Variants in CAMKMT observed in about 807,000 individuals in gnomAD.
CAMKMT encodes the protein CaM KMT.
Under a neutral mutation model 48.0 loss-of-function variants are expected in CAMKMT, and 53 were observed. The ratio of observed to expected loss-of-function variants is 1.10; its 90% CI spans 0.89 to 1.39. CAMKMT has a LOEUF of 1.39. Ranked by LOEUF, CAMKMT falls within the 40% of genes most tolerant of loss-of-function variation. The pLI is 0.00. For synonymous variants in CAMKMT, 165 were observed against 152.3 expected (o/e 1.08, Z -0.61); for missense variants, 428 against 402.7 (o/e 1.06, Z -0.54).
rs151012114 is a variant in CAMKMT, at chr2:44,724,936, T to C, written c.623+9583T>C. Among the ~76,000 whole-genome samples the C allele has an allele frequency of 3.5e-3, 532 of 152,270 alleles. 4 individuals are homozygous for C. Among genetic ancestry groups the C allele is most frequent in the Middle Eastern group, 0.024 (7 of 294 alleles). On this transcript the variant is annotated intron_variant, in intron 7 of 10. Coordinates refer to ENST00000378494, the MANE Select transcript of CAMKMT (RefSeq NM_024766.5). ...ATCATATGGGACATTTTTGTTTTAT[T>C]GTCACAATAGCTAAGTGCTATTATG...
intron 3 of CAMKMT, among the ~76,000 whole-genome samples, chr2:44,441,154 C>T (rs1320145716): frequency 1.3e-5 from 2 of 152,108 alleles, no homozygotes; most frequent in Non-Finnish European, 2.9e-5. Flanking sequence ...AAACACTTTT[C>T]CTGTGACTCA....
At chr2:44,719,945 A>AG (rs1438432065) in intron 7 of CAMKMT, among the ~76,000 whole-genome samples, 1 of 152,198 alleles carries the variant, frequency 6.6e-6, no homozygotes, top group African/African-American at 2.4e-5. Context: ...AGAATCCTGA[A>AG]GACCGCTGAG....
chr2:44,477,280 G>T (rs542510076), intron 3 of CAMKMT, among the ~76,000 whole-genome samples: 9 of 152,268 alleles, frequency 5.9e-5, no homozygotes, highest in Non-Finnish European at 1.0e-4. Flanking sequence ...AAATTTTGGA[G>T]AAGTCCAGGA....
chr2:44,691,776 C>G (rs1315722168), intron 3 of CAMKMT, among the ~76,000 whole-genome samples: 1 of 152,122 alleles, frequency 6.6e-6, no homozygotes, highest in African/African-American at 2.4e-5. Context: ...AGAAGGTTTC[C>G]AAACCTCCCT....
intron 3 of CAMKMT, among the ~76,000 whole-genome samples, chr2:44,499,193 G>A (rs1407250109): frequency 6.6e-6 from 1 of 152,154 alleles, no homozygotes; most frequent in South Asian, 2.1e-4. Flanking sequence ...GGAGAAACTT[G>A]TAAGTATTAT....
intron 3 of CAMKMT, among the ~76,000 whole-genome samples, chr2:44,484,657 G>C (rs1169625747): frequency 6.7e-6 from 1 of 148,930 alleles, no homozygotes; most frequent in Non-Finnish European, 1.5e-5. Flanking sequence ...ATATCTTCAT[G>C]ACCCTGAGTT....
intron 3 of CAMKMT, among the ~76,000 whole-genome samples, chr2:44,565,950 G>A (rs938286926): frequency 1.3e-5 from 2 of 152,184 alleles, no homozygotes; most frequent in African/African-American, 4.8e-5. Flanking sequence ...ACATGTGTTT[G>A]TGTAACCGCA....
chr2:44,504,263 C>T (rs1036259191), intron 3 of CAMKMT, among the ~76,000 whole-genome samples: 9 of 152,140 alleles, frequency 5.9e-5, no homozygotes, highest in African/African-American at 1.4e-4. Flanking sequence ...TATCTTCCCC[C>T]AGAATCCTAG....
At chr2:44,608,862 A>T (rs1572910018) in intron 3 of CAMKMT, among the ~76,000 whole-genome samples, 1 of 152,272 alleles carries the variant, frequency 6.6e-6, no homozygotes, top group East Asian at 1.9e-4. Context: ...CCTTGTGGGT[A>T]TTGCTAATAG....
intron 3 of CAMKMT, among the ~76,000 whole-genome samples, chr2:44,696,308 C>G (rs1290288225): frequency 6.6e-6 from 1 of 152,140 alleles, no homozygotes; most frequent in East Asian, 1.9e-4. Context: ...CATGCAAATA[C>G]TACATCATGT....
chr2:44,654,591 C>A lies in CAMKMT; in HGVS notation c.377-49692C>A, dbSNP rs370309589. Among the ~76,000 whole-genome samples, 17 of 152,266 alleles carry A rather than the reference C, an allele frequency of 1.1e-4. No homozygotes were observed. In the East Asian group the frequency reaches 1.9e-3, roughly 17 times the overall value. On this transcript the variant is annotated intron_variant, in intron 3 of 10. Coordinates refer to ENST00000378494, the MANE Select transcript of CAMKMT (RefSeq NM_024766.5). ...ACAATGGCATGATCTTGGCTCACTG[C>A]AACCTCCACCTCCTGGGTTCAAGCA...
intron 3 of CAMKMT, among the ~76,000 whole-genome samples, chr2:44,451,758 A>C (rs996367315): frequency 2.0e-5 from 3 of 151,972 alleles, no homozygotes; most frequent in African/African-American, 7.2e-5. Flanking sequence ...GTAAAATGTT[A>C]AGGATAGAAT....
At chr2:44,624,229 C>T (rs777762885) in intron 3 of CAMKMT, among the ~76,000 whole-genome samples, 6 of 152,040 alleles carry the variant, frequency 3.9e-5, no homozygotes, top group Admixed American at 6.6e-5. Context: ...CATTTGTGCA[C>T]AAGATTTTTT....
chr2:44,605,188 G>A (rs1407176518), intron 3 of CAMKMT, among the ~76,000 whole-genome samples: 1 of 152,126 alleles, frequency 6.6e-6, no homozygotes, highest in Non-Finnish European at 1.5e-5. Context: ...GTAAATAAAA[G>A]TGAATTTCAC....
At chr2:44,698,997 A>G (rs1223313618) in intron 3 of CAMKMT, among the ~76,000 whole-genome samples, 1 of 152,182 alleles carries the variant, frequency 6.6e-6, no homozygotes, top group African/African-American at 2.4e-5. Flanking sequence ...GGAACTCCTC[A>G]TCCTTTCAGG....
intron 3 of CAMKMT, among the ~76,000 whole-genome samples, chr2:44,692,497 A>G (rs572589063): frequency 5.3e-5 from 8 of 152,220 alleles, no homozygotes; most frequent in Non-Finnish European, 1.0e-4. Context: ...GTCTGAAATG[A>G]TCTTACTTGT....
intron 6 of CAMKMT, among the ~76,000 whole-genome samples, chr2:44,711,175 T>C (rs1677856591): frequency 6.6e-6 from 1 of 152,222 alleles, no homozygotes; most frequent in Non-Finnish European, 1.5e-5. Flanking sequence ...CTTCTTCCAA[T>C]GCCGGCTGTA....
At chr2:44,625,597 T>C (rs1040725968) in intron 3 of CAMKMT, among the ~76,000 whole-genome samples, 1 of 152,142 alleles carries the variant, frequency 6.6e-6, no homozygotes, top group African/African-American at 2.4e-5. Flanking sequence ...ACAAACATCA[T>C]GAAGATTTTT....
intron 3 of CAMKMT, among the ~76,000 whole-genome samples, chr2:44,503,272 G>T (rs995716987): frequency 6.6e-6 from 1 of 151,998 alleles, no homozygotes; most frequent in Non-Finnish European, 1.5e-5. Flanking sequence ...ACCTACCTTT[G>T]TTAGAAACTT....
Sources: allele counts gnomAD v4.1 joint callset (sites outside exome capture counted in the v4.1 genomes callset), GRCh38; gene constraint gnomAD v4.1.1; transcripts MANE v1.5; gene names NCBI Gene and HGNC (gene_info 2026-07-23, HGNC 2026-07-21).